ST7: variants seen among roughly 807,000 people sequenced by gnomAD.
ST7 encodes suppressor of tumorigenicity 7 protein.
Under a neutral mutation model 78.7 loss-of-function variants are expected in ST7, and 28 were observed. The ratio of observed to expected loss-of-function variants is 0.36; its 90% CI spans 0.26 to 0.49. ST7 has a LOEUF of 0.49. ST7 is among the 20% of genes least tolerant of loss of function. The pLI is 0.99. For synonymous variants in ST7, 247 were observed against 249.6 expected (o/e 0.99, Z 0.10); for missense variants, 418 against 696.0 (o/e 0.60, Z 4.49).
intron 2 of ST7, among the ~76,000 whole-genome samples, chr7:117,119,049 C>T (rs967625894): frequency 2.0e-5 from 3 of 152,164 alleles, no homozygotes; most frequent in Non-Finnish European, 4.4e-5. Flanking sequence ...TTCTTTTGTT[C>T]TGTAAAACCA....
chr7:117,010,715 A>C (rs572952263), intron 1 of ST7, among the ~76,000 whole-genome samples: 1 of 152,350 alleles, frequency 6.6e-6, no homozygotes, highest in Non-Finnish European at 1.5e-5. Context: ...TTTATAATCC[A>C]ACCCTGGTAT....
At chr7:117,157,853 C>T (rs929990996) in intron 9 of ST7, among the ~76,000 whole-genome samples, 2 of 152,218 alleles carry the variant, frequency 1.3e-5, no homozygotes, top group East Asian at 1.9e-4. Flanking sequence ...TCAAATTGCT[C>T]GGGTTTGTTC....
intron 1 of ST7, among the ~76,000 whole-genome samples, chr7:117,026,740 G>T (rs1796201745): frequency 2.0e-5 from 3 of 152,204 alleles, no homozygotes; most frequent in African/African-American, 7.2e-5. Context: ...TGTGTTAGGG[G>T]AACTGGCCTT....
chr7:117,185,636 G>C (rs536370132), intron 10 of ST7, among the ~76,000 whole-genome samples: 1 of 152,206 alleles, frequency 6.6e-6, no homozygotes, highest in East Asian at 1.9e-4. Flanking sequence ...TATAAATTAG[G>C]CACAGTAGGC....
intron 9 of ST7, among the ~76,000 whole-genome samples, chr7:117,139,001 T>C (rs1208891959): frequency 6.6e-6 from 1 of 152,186 alleles, no homozygotes; most frequent in Admixed American, 6.5e-5. Context: ...TCAAATTTAA[T>C]AATATTATGA....
At chr7:117,038,685 A>C (rs1476881279) in intron 1 of ST7, among the ~76,000 whole-genome samples, 1 of 152,226 alleles carries the variant, frequency 6.6e-6, no homozygotes, top group African/African-American at 2.4e-5. Flanking sequence ...AATGTGGATA[A>C]ACATGTATCG....
chr7:117,045,627 C>G (rs1204372272), intron 1 of ST7, among the ~76,000 whole-genome samples: 1 of 152,182 alleles, frequency 6.6e-6, no homozygotes, highest in Non-Finnish European at 1.5e-5. Flanking sequence ...TACAATTTAC[C>G]TATTAATGCA....
chr7:117,067,982 A>G (rs1798729721), intron 1 of ST7, among the ~76,000 whole-genome samples: 2 of 152,082 alleles, frequency 1.3e-5, no homozygotes. Context: ...GTTATTTTCT[A>G]TTTCATGCTT....
At chr7:117,183,719 C>T (rs1808981259) in intron 10 of ST7, among the ~76,000 whole-genome samples, 1 of 152,196 alleles carries the variant, frequency 6.6e-6, no homozygotes, top group South Asian at 2.1e-4. Flanking sequence ...TAAAGTTAAA[C>T]AGACATCTAT....
At chr7:117,174,852 A>G (rs1808241630) in intron 10 of ST7, among the ~76,000 whole-genome samples, 1 of 152,232 alleles carries the variant, frequency 6.6e-6, no homozygotes, top group Admixed American at 6.5e-5. Context: ...CCACATTCTT[A>G]GAAAACTGCA....
At chr7:116,965,961 G>A (rs1793089363) in intron 1 of ST7, 2 of 347,832 alleles carry the variant, frequency 5.7e-6, no homozygotes, top group Admixed American at 3.9e-5. Context: ...GTATAGTAGT[G>A]GTCACAGGCA....
chr7:116,972,333 A>C, intron 1 of ST7: 1 of 602,024 alleles, frequency 1.7e-6, no homozygotes, highest in Non-Finnish European at 3.0e-6. Flanking sequence ...TGAATTTATC[A>C]GTAAGAATCT....
intron 1 of ST7, among the ~76,000 whole-genome samples, chr7:116,994,201 TTC>T (rs1457191652): frequency 6.6e-6 from 1 of 152,188 alleles, no homozygotes; most frequent in African/African-American, 2.4e-5. Flanking sequence ...CCGTTCTACT[TTC>T]TCTCTCTATG....
At chr7:116,992,889 AG>A (rs1794490004) in intron 1 of ST7, among the ~76,000 whole-genome samples, 1 of 152,212 alleles carries the variant, frequency 6.6e-6, no homozygotes, top group South Asian at 2.1e-4. Flanking sequence ...TTAAGTTCAA[AG>A]TTCCACAAAT....
chr7:117,207,960 C>T (rs954465484), intron 12 of ST7, among the ~76,000 whole-genome samples: 1 of 151,880 alleles, frequency 6.6e-6, no homozygotes, highest in Non-Finnish European at 1.5e-5. Context: ...CTCGTAGCCT[C>T]GGGGTCCTTT....
At chr7:117,229,721 A>C in intron 15 of ST7, 41 bp from the exon 16 acceptor site, 4 of 1,537,992 alleles carry the variant, frequency 2.6e-6, no homozygotes, top group Non-Finnish European at 3.5e-6. Context: ...GTCTTGAACA[A>C]GGTTTCTGCT....
chr7:116,988,952 T>C (rs933646912), intron 1 of ST7, among the ~76,000 whole-genome samples: 1 of 152,170 alleles, frequency 6.6e-6, no homozygotes, highest in African/African-American at 2.4e-5. Flanking sequence ...ACAAAAATGA[T>C]TTAGATACAA....
intron 1 of ST7, chr7:117,090,677 A>C (rs2116692425): frequency 6.0e-6 from 1 of 166,768 alleles, no homozygotes; most frequent in South Asian, 2.1e-4. Flanking sequence ...CTTCAATCAT[A>C]AATGAAAGCA....
intron 1 of ST7, among the ~76,000 whole-genome samples, chr7:117,010,873 G>A (rs993617375): frequency 8.5e-5 from 13 of 152,318 alleles, no homozygotes; most frequent in East Asian, 5.8e-4. Context: ...GTAGAGGACC[G>A]TGGACTCGCG....
Sources: gnomAD v4.1 joint callset for allele counts (sites outside exome capture counted in the v4.1 genomes callset) on GRCh38, gnomAD v4.1.1 for gene constraint, MANE v1.5 for transcripts, NCBI Gene and HGNC (gene_info 2026-07-23, HGNC 2026-07-21) for gene names.